The following FSTL4 variants were observed in gnomAD, a reference collection of about 807,000 sequenced individuals.
The protein encoded by FSTL4 is follistatin like 4, also known as follistatin-related protein 4.
FSTL4 carries 28 observed loss-of-function variants against 78.2 expected under a neutral mutation model. That is an observed-to-expected ratio of 0.36 (90% CI 0.27 to 0.49). The LOEUF (loss-of-function observed/expected upper bound fraction) is 0.49, where lower values mean the gene tolerates loss of function less well. Among genes scored for constraint, FSTL4 ranks in the 20% least tolerant of loss-of-function variants. The probability of loss-of-function intolerance (pLI) is 0.98; values close to 1 mark genes in which losing one functional copy is unlikely to be tolerated. For missense variants in FSTL4, 922 were observed against 1,084.9 expected, an observed-to-expected ratio of 0.85 and a Z score of 2.11; for synonymous variants, 422 against 440.5, an observed-to-expected ratio of 0.96 and a Z score of 0.53.
chr5:133,546,505 CAAAAAAAAAAAAA>C (rs71581365), intron 3 of FSTL4, among the ~76,000 whole-genome samples: 1 of 75,422 alleles, frequency 1.3e-5, no homozygotes, highest in African/African-American at 4.6e-5. Context: ...GACTTTGTCT[CAAAAAAAAAAAAA>C]AAAAAAAAAA....
chr5:133,524,453 A>T (rs942856606), intron 3 of FSTL4, among the ~76,000 whole-genome samples: 1 of 152,136 alleles, frequency 6.6e-6, no homozygotes, highest in East Asian at 1.9e-4. Flanking sequence ...AGCGGTGTCA[A>T]CTCTGAGGAG....
chr5:133,675,475 G>A, the FSTL4 span, among the ~76,000 whole-genome samples: 3 of 152,212 alleles, frequency 2.0e-5, no homozygotes, highest in East Asian at 3.8e-4. Context: ...TCCCGTGGCC[G>A]TCAGGCAAGC....
At chr5:133,369,457 G>A (rs962583311) in intron 4 of FSTL4, among the ~76,000 whole-genome samples, 1 of 152,034 alleles carries the variant, frequency 6.6e-6, no homozygotes, top group Non-Finnish European at 1.5e-5. Context: ...ATGATGAGAA[G>A]GGGACTGAGA....
chr5:133,199,950 G>A lies in FSTL4; in HGVS notation c.1827-153C>T, dbSNP rs1295312192. Among the ~76,000 whole-genome samples, 2 of 152,212 alleles carry A rather than the reference G, an allele frequency of 1.3e-5. No individual in the cohort carries two copies. The highest frequency in any genetic ancestry group is 2.1e-4 in the South Asian group (1 of 4,826). On this transcript the variant is annotated intron_variant, in intron 15 of 15. Coordinates refer to ENST00000265342, the MANE Select transcript of FSTL4 (RefSeq NM_015082.2). The surrounding 1 kb of genome is among the most constrained non-coding windows in gnomAD (Gnocchi z 4.4). ...TAAGATCTATCATTCTGCAGGGGAT[G>A]TCTTCATAAACAAATAATCTATGAT...
At chr5:133,796,732 T>C in the FSTL4 span, among the ~76,000 whole-genome samples, 1 of 152,038 alleles carries the variant, frequency 6.6e-6, no homozygotes, top group Non-Finnish European at 1.5e-5. Flanking sequence ...TCAGGGCTTA[T>C]ATGGGGTACA....
chr5:133,761,481 C>T, the FSTL4 span, among the ~76,000 whole-genome samples: 1 of 152,204 alleles, frequency 6.6e-6, no homozygotes, highest in Non-Finnish European at 1.5e-5. Context: ...ATGATTTGCT[C>T]AGTTCCTTTG....
intron 2 of FSTL4, among the ~76,000 whole-genome samples, chr5:133,601,698 T>TTTTTTCC (rs377291709): frequency 2.7e-5 from 4 of 149,524 alleles, no homozygotes; most frequent in Admixed American, 2.0e-4. Context: ...TTTTTTTTTT[T>TTTTTTCC]CTCAGACATG....
the FSTL4 span, among the ~76,000 whole-genome samples, chr5:133,673,804 A>C: frequency 6.6e-6 from 1 of 152,188 alleles, no homozygotes; most frequent in Non-Finnish European, 1.5e-5. Flanking sequence ...ACCGCAATTC[A>C]AAGCAGCATT....
chr5:133,741,400 C>T, the FSTL4 span, among the ~76,000 whole-genome samples: 1 of 152,222 alleles, frequency 6.6e-6, no homozygotes, highest in East Asian at 1.9e-4. Flanking sequence ...AGGAAAGTGG[C>T]CTGGCCTTTT....
the FSTL4 span, among the ~76,000 whole-genome samples, chr5:133,629,793 C>A: frequency 2.0e-5 from 3 of 152,152 alleles, no homozygotes; most frequent in Non-Finnish European, 4.4e-5. Flanking sequence ...AAAAGCTTAT[C>A]CACCACGATC....
intron 4 of FSTL4, among the ~76,000 whole-genome samples, chr5:133,395,294 G>A (rs901465631): frequency 6.6e-6 from 1 of 152,124 alleles, no homozygotes. Flanking sequence ...AGGCCTGCGA[G>A]ACAACGAACC....
chr5:133,827,351 C>T, the FSTL4 span, among the ~76,000 whole-genome samples: 9 of 152,142 alleles, frequency 5.9e-5, no homozygotes, highest in Admixed American at 1.3e-4. Flanking sequence ...GCGGGGCGAT[C>T]AACTGAACAA....
chr5:133,509,566 A>G (rs1362411788), intron 3 of FSTL4, among the ~76,000 whole-genome samples: 1 of 151,978 alleles, frequency 6.6e-6, no homozygotes, highest in Non-Finnish European at 1.5e-5. Context: ...ATGAGTGTTC[A>G]CTCTCGCTAT....
intron 6 of FSTL4, among the ~76,000 whole-genome samples, chr5:133,312,230 C>T (rs1753802130): frequency 6.6e-6 from 1 of 152,196 alleles, no homozygotes; most frequent in South Asian, 2.1e-4. Flanking sequence ...CTGCTCCCTG[C>T]CGCTGCATGG....
chr5:133,744,824 G>T, the FSTL4 span, among the ~76,000 whole-genome samples: 1 of 152,110 alleles, frequency 6.6e-6, no homozygotes, highest in Non-Finnish European at 1.5e-5. Flanking sequence ...ATTCCACTTG[G>T]GTTTCCATGG....
intron 3 of FSTL4, among the ~76,000 whole-genome samples, chr5:133,524,583 C>T (rs73788125): frequency 0.011 from 1,676 of 152,300 alleles, 31 homozygotes; most frequent in African/African-American, 0.039. Flanking sequence ...GACAGGGGCA[C>T]CACAGAACGT....
At chr5:133,241,404 G>A (rs996534207) in intron 7 of FSTL4, among the ~76,000 whole-genome samples, 3 of 152,212 alleles carry the variant, frequency 2.0e-5, no homozygotes, top group East Asian at 1.9e-4. Context: ...AGTGGTATGC[G>A]TGTTGAAATT....
At chr5:133,418,446 A>T (rs1327943035) in intron 3 of FSTL4, among the ~76,000 whole-genome samples, 1 of 152,224 alleles carries the variant, frequency 6.6e-6, no homozygotes, top group Non-Finnish European at 1.5e-5. Flanking sequence ...ATTCTTCCTA[A>T]ATTTACCTAC....
rs191458240 is a variant in FSTL4 at position 133,505,986 on chromosome 5, C to T, written c.160+61200G>A. Among the ~76,000 whole-genome samples, 151 of 152,320 alleles carry T rather than the reference C, an allele frequency of 9.9e-4. 1 individual carries two copies. Among genetic ancestry groups the T allele is most frequent in the Middle Eastern group, 3.4e-3 (1 of 294 alleles). On this transcript the variant is annotated intron_variant, in intron 3 of 15. Coordinates refer to ENST00000265342, the MANE Select transcript of FSTL4 (RefSeq NM_015082.2). ...ATTTAAGGAAAGACAACTATAGAAT[C>T]CCAGACAGTGGGCAAGTAGGCTGCC...
Sources: gnomAD v4.1 joint callset for allele counts (sites outside exome capture counted in the v4.1 genomes callset) on GRCh38, gnomAD v4.1.1 for gene constraint, Gnocchi (gnomAD v3.1) non-coding constraint, MANE v1.5 for transcripts, NCBI Gene and HGNC (gene_info 2026-07-23, HGNC 2026-07-21) for gene names.